The following PRKG1 variants were observed in gnomAD, a reference collection of about 807,000 sequenced individuals.
The protein encoded by PRKG1 is cGMP-dependent protein kinase 1.
PRKG1 carries 35 observed loss-of-function variants against 88.1 expected under a neutral mutation model. The ratio of observed to expected loss-of-function variants is 0.40; its 90% CI spans 0.30 to 0.53. The LOEUF is 0.53. PRKG1 is among the 20% of genes least tolerant of loss of function. PRKG1 has a pLI of 0.59. For synonymous variants in PRKG1, 303 were observed against 292.5 expected (o/e 1.04, Z -0.37); for missense variants, 540 against 839.8 (o/e 0.64, Z 4.41).
intron 9 of PRKG1, among the ~76,000 whole-genome samples, chr10:52,212,629 G>A (rs1439103110): frequency 2.0e-5 from 3 of 151,542 alleles, no homozygotes; most frequent in African/African-American, 7.3e-5. Flanking sequence ...GAGAGAGAGA[G>A]AGAGAGATTA....
At chr10:51,445,457 AAGGAAACC>A (rs1839243210) in intron 2 of PRKG1, among the ~76,000 whole-genome samples, 9 of 152,030 alleles carry the variant, frequency 5.9e-5, no homozygotes, top group Non-Finnish European at 1.2e-4. Context: ...TTACATTATC[AAGGAAACC>A]ATTTTTCCAT....
At chr10:51,097,872 T>C (rs1327978869) in intron 1 of PRKG1, among the ~76,000 whole-genome samples, 3 of 152,170 alleles carry the variant, frequency 2.0e-5, no homozygotes, top group Non-Finnish European at 4.4e-5. Context: ...AACTCTTTTT[T>C]GGATCCTGGC....
intron 2 of PRKG1, among the ~76,000 whole-genome samples, chr10:51,411,696 T>C (rs1294592059): frequency 6.6e-6 from 1 of 152,202 alleles, no homozygotes; most frequent in African/African-American, 2.4e-5. Flanking sequence ...GTTTTTGCTT[T>C]AGACTCTGAT....
At chr10:51,111,800 G>A (rs7913072) in intron 1 of PRKG1, among the ~76,000 whole-genome samples, 135,163 of 152,192 alleles carry the variant, frequency 0.89, 60,260 homozygotes, top group African/African-American at 0.97. Flanking sequence ...ACTGAAGTTC[G>A]GAGAGGTGTT....
intron 5 of PRKG1, among the ~76,000 whole-genome samples, chr10:51,971,549 A>G (rs1843714422): frequency 6.6e-6 from 1 of 152,062 alleles, no homozygotes; most frequent in Non-Finnish European, 1.5e-5. Context: ...GAGCACTCCA[A>G]TATAAAAGAA....
intron 3 of PRKG1, chr10:51,697,806 G>C: frequency 6.2e-7 from 1 of 1,614,184 alleles, no homozygotes; most frequent in Non-Finnish European, 8.5e-7. Context: ...TGAAGAACCT[G>C]CATGATCAAA....
intron 4 of PRKG1, 57 bp from the exon 5 acceptor site, chr10:51,907,450 A>T: frequency 7.5e-7 from 1 of 1,335,612 alleles, no homozygotes; most frequent in Non-Finnish European, 1.0e-6. Context: ...CATTTTTATT[A>T]CTTATGAAAG....
At position 51,425,332 on chromosome 10, in the gene PRKG1, C is replaced by T. The variant is rs1838544981; in HGVS notation, c.479-42391C>T. Among the ~76,000 whole-genome samples the T allele has an allele frequency of 2.6e-5, 4 of 152,112 alleles. No homozygotes were observed. The South Asian group carries it at 6.2e-4, about 24-fold the overall frequency. On this transcript the variant is annotated intron_variant, in intron 2 of 17. Coordinates refer to ENST00000373980, the MANE Select transcript of PRKG1 (RefSeq NM_006258.4). ...TTGTGAAGAAAATGTGTACACAACTCGGTAATCAATGTTTTGTCTTTCATG... is the reference window on the plus strand; with the variant it reads ...TTGTGAAGAAAATGTGTACACAACTTGGTAATCAATGTTTTGTCTTTCATG...
chr10:51,537,277 T>C (rs1842180413), intron 3 of PRKG1, among the ~76,000 whole-genome samples: 1 of 152,208 alleles, frequency 6.6e-6, no homozygotes, highest in African/African-American at 2.4e-5. Flanking sequence ...ATCTAATAGG[T>C]GAATAATAAA....
In PRKG1 at chr10:51,475,758, T is replaced by C. The variant is rs293301; in HGVS notation, c.592+7922T>C. Among the ~76,000 whole-genome samples, 685 of 151,936 alleles carry C rather than the reference T, an allele frequency of 4.5e-3. 4 individuals are homozygous for C. The highest frequency in any genetic ancestry group is 0.016 in the African/African-American group (667 of 41,480). ...GAACAGATTGAGAGGGAGGGAAAAA[T>C]TAAAAAATCATGGACTGTCGAGCCA... is the stretch of plus-strand genomic sequence containing the variant. On this transcript the variant is annotated intron_variant, in intron 3 of 17. Transcript: ENST00000373980.
At chr10:51,933,920 T>C (rs1388437515) in intron 5 of PRKG1, among the ~76,000 whole-genome samples, 1 of 152,128 alleles carries the variant, frequency 6.6e-6, no homozygotes, top group Non-Finnish European at 1.5e-5. Context: ...TAACACTTAG[T>C]TGTAGTATCA....
At chr10:51,554,300 A>T (rs1402296881) in intron 3 of PRKG1, among the ~76,000 whole-genome samples, 4 of 145,402 alleles carry the variant, frequency 2.8e-5, no homozygotes, top group Non-Finnish European at 4.5e-5. Flanking sequence ...ATATATGTAT[A>T]TATAATATGT....
chr10:51,965,150 T>C (rs1843537350), intron 5 of PRKG1, among the ~76,000 whole-genome samples: 2 of 152,176 alleles, frequency 1.3e-5, no homozygotes, highest in African/African-American at 4.8e-5. Flanking sequence ...AACTTGTCTC[T>C]TTGTTTTTGT....
intron 4 of PRKG1, among the ~76,000 whole-genome samples, chr10:51,848,894 C>G (rs1255819921): frequency 1.3e-5 from 2 of 149,264 alleles, no homozygotes; most frequent in African/African-American, 5.0e-5. Flanking sequence ...CTGATTTCAC[C>G]TTGTTCTGGT....
At chr10:51,955,048 TTG>T (rs68150426) in intron 5 of PRKG1, among the ~76,000 whole-genome samples, 13 of 151,572 alleles carry the variant, frequency 8.6e-5, no homozygotes, top group Non-Finnish European at 1.3e-4. Flanking sequence ...TTTTCAGGTT[TTG>T]TGTGTGTGTG....
chr10:52,159,017 T>C (rs371892528), intron 8 of PRKG1, among the ~76,000 whole-genome samples: 9 of 151,506 alleles, frequency 5.9e-5, no homozygotes, highest in African/African-American at 2.2e-4. Flanking sequence ...ATCATAGCGA[T>C]GAAGATTACA....
At chr10:51,353,327 C>T (rs2132570274) in intron 2 of PRKG1, among the ~76,000 whole-genome samples, 1 of 152,100 alleles carries the variant, frequency 6.6e-6, no homozygotes, top group Middle Eastern at 3.4e-3. Flanking sequence ...AGCTTCTGCA[C>T]AGCAAAAGAA....
At chr10:51,621,007 G>A (rs374515983) in intron 3 of PRKG1, among the ~76,000 whole-genome samples, 17 of 122,186 alleles carry the variant, frequency 1.4e-4, no homozygotes, top group East Asian at 3.1e-4. Context: ...GTGTATATGT[G>A]TGTATATATA....
At chr10:52,094,078 A>C (rs533259524) in intron 7 of PRKG1, among the ~76,000 whole-genome samples, 24 of 152,280 alleles carry the variant, frequency 1.6e-4, no homozygotes, top group African/African-American at 5.5e-4. Context: ...AAAATCATAC[A>C]AACTGGGGAA....
Sources: gnomAD v4.1 joint callset for allele counts (sites outside exome capture counted in the v4.1 genomes callset) on GRCh38, gnomAD v4.1.1 for gene constraint, MANE v1.5 for transcripts, NCBI Gene and HGNC (gene_info 2026-07-23, HGNC 2026-07-21) for gene names.